GALM: variants seen among roughly 807,000 people sequenced by gnomAD.
The protein encoded by GALM is aldose 1-epimerase.
A neutral mutation model predicts 37.4 loss-of-function variants in GALM; 43 were observed. The observed-to-expected ratio is 1.15, with a 90% CI of 0.90 to 1.48. GALM has a LOEUF of 1.48. GALM is among the 40% of genes most tolerant of loss of function. The pLI is 0.00. For missense variants in GALM, 456 were observed against 419.1 expected (o/e 1.09, Z -0.77); for synonymous variants, 199 against 170.6 (o/e 1.17, Z -1.30).
At chr2:38,718,194 T>C (rs1197473747) in intron 4 of GALM, among the ~76,000 whole-genome samples, 4 of 90,210 alleles carry the variant, frequency 4.4e-5, no homozygotes, top group African/African-American at 1.5e-4. Flanking sequence ...TTTTTTTCTT[T>C]TCTTTTTTTT....
At chr2:38,706,040 C>T (rs2148445835) in intron 4 of GALM, among the ~76,000 whole-genome samples, 1 of 151,962 alleles carries the variant, frequency 6.6e-6, no homozygotes, top group African/African-American at 2.4e-5. Flanking sequence ...AAGTCTCACT[C>T]TGTTGCCCAA....
In GALM at chr2:38,686,507, A is replaced by G. The variant is rs180747227; in HGVS notation, c.553-3306A>G. On this transcript the variant is annotated intron_variant, in intron 3 of 6. Coordinates refer to ENST00000272252, the MANE Select transcript of GALM (RefSeq NM_138801.3). ...GTCTGATCTCCTGACCTCGTGATCC[A>G]CCCACCTTGGCCTCCCAAAGTGCTG... is the stretch of plus-strand genomic sequence containing the variant. 3.1e-3 allele frequency among the ~76,000 whole-genome samples: 465 copies of G among 151,584 alleles called. 3 individuals carry two copies. The highest frequency in any genetic ancestry group is 0.011 in the African/African-American group (441 of 41,290).
chr2:38,689,483 G>A (rs898563919), intron 3 of GALM, among the ~76,000 whole-genome samples: 3 of 152,110 alleles, frequency 2.0e-5, no homozygotes, highest in African/African-American at 7.2e-5. Flanking sequence ...CTGTTTGCCT[G>A]GCAAGTGAGA....
At chr2:38,686,711 G>C (rs534341659) in intron 3 of GALM, among the ~76,000 whole-genome samples, 9 of 152,166 alleles carry the variant, frequency 5.9e-5, no homozygotes, top group Non-Finnish European at 1.0e-4. Flanking sequence ...ATATAACATG[G>C]ATGATCCCAG....
intron 1 of GALM, among the ~76,000 whole-genome samples, chr2:38,672,457 G>T (rs1665133061): frequency 1.3e-5 from 2 of 152,142 alleles, no homozygotes; most frequent in Admixed American, 1.3e-4. Flanking sequence ...GGGGAGAGGT[G>T]GGAATAGGAG....
At chr2:38,694,154 T>C (rs1020873058) in intron 4 of GALM, among the ~76,000 whole-genome samples, 1 of 151,864 alleles carries the variant, frequency 6.6e-6, no homozygotes, top group Non-Finnish European at 1.5e-5. Context: ...TGCACTTCAA[T>C]GTGGGTGAAG....
chr2:38,717,949 C>G (rs1666302700), intron 4 of GALM, among the ~76,000 whole-genome samples: 1 of 151,620 alleles, frequency 6.6e-6, no homozygotes, highest in Non-Finnish European at 1.5e-5. Context: ...ATCTTCCCAC[C>G]TCAGCCTCCC....
intron 4 of GALM, among the ~76,000 whole-genome samples, chr2:38,703,084 ATATATATATTTTTTTTTT>A (rs1665958923): frequency 1.1e-4 from 1 of 9,012 alleles, no homozygotes; most frequent in African/African-American, 3.6e-4. Flanking sequence ...ATATATATAT[ATATATATATTTTTTTTTT>A]TTTTTTTTTT....
chr2:38,730,359 CG>C lies in GALM; in HGVS notation c.776+665del, dbSNP rs553629717. On this transcript the variant is annotated intron_variant, in intron 5 of 6. Transcript: ENST00000272252. ...TAGGTTTACTGCAACCTCCGCCTCCCGGGTTCAAGTGATTCTCCTGCCTCAG... is the reference window on the plus strand; with the variant it reads ...TAGGTTTACTGCAACCTCCGCCTCCCGGTTCAAGTGATTCTCCTGCCTCAG... Among the ~76,000 whole-genome samples, 427 of 152,238 alleles carry C rather than the reference CG, an allele frequency of 2.8e-3. 6 individuals are homozygous for C. Among genetic ancestry groups the C allele is most frequent in the African/African-American group, 1.0e-2 (414 of 41,532 alleles).
intron 4 of GALM, among the ~76,000 whole-genome samples, chr2:38,717,253 GA>G (rs796646285): frequency 0.049 from 6,108 of 125,050 alleles, 450 homozygotes; most frequent in African/African-American, 0.17. Flanking sequence ...TCCATCTCAA[GA>G]AAAAAAAAAA....
intron 4 of GALM, among the ~76,000 whole-genome samples, chr2:38,713,151 T>C (rs1264080748): frequency 6.6e-5 from 10 of 152,252 alleles, no homozygotes; most frequent in Non-Finnish European, 1.2e-4. Flanking sequence ...GGCTCCCTAA[T>C]CACACCATTG....
chr2:38,687,964 C>A (rs1290853189), intron 3 of GALM, among the ~76,000 whole-genome samples: 1 of 152,146 alleles, frequency 6.6e-6, no homozygotes, highest in Non-Finnish European at 1.5e-5. Context: ...GTAATCCCAG[C>A]ACTTTGGGAG....
rs571263937 is a variant in GALM at position 38,720,048 on chromosome 2, T to A, written c.635-9508T>A. Among the ~76,000 whole-genome samples, 393 of 151,332 alleles carry A rather than the reference T, an allele frequency of 2.6e-3. 1 individual carries two copies. The highest frequency in any genetic ancestry group is 7.9e-3 in the African/African-American group (328 of 41,288). On this transcript the variant is annotated intron_variant, in intron 4 of 6. Coordinates refer to ENST00000272252, the MANE Select transcript of GALM (RefSeq NM_138801.3). ...GAAACCCCGTCTCTACTAAAAAAAA[T>A]AATAATAATAATAATTAGCCAGGCG...
intron 4 of GALM, among the ~76,000 whole-genome samples, chr2:38,720,155 T>C (rs970232046): frequency 2.6e-5 from 4 of 152,026 alleles, no homozygotes; most frequent in East Asian, 1.9e-4. Context: ...CAAGCCTTCA[T>C]TGAGCTGTGA....
At chr2:38,679,532 T>C (rs1300110352) in intron 2 of GALM, among the ~76,000 whole-genome samples, 2 of 152,224 alleles carry the variant, frequency 1.3e-5, no homozygotes, top group African/African-American at 4.8e-5. Context: ...GGCAACCAAA[T>C]CTTTACCTTG....
chr2:38,722,227 G>A (rs1666397107), intron 4 of GALM, among the ~76,000 whole-genome samples: 2 of 151,882 alleles, frequency 1.3e-5, no homozygotes, highest in East Asian at 1.9e-4. Flanking sequence ...TCACCCCTTT[G>A]CACACACTCA....
At chr2:38,690,990 G>A (rs959160762) in intron 4 of GALM, among the ~76,000 whole-genome samples, 3 of 152,134 alleles carry the variant, frequency 2.0e-5, no homozygotes, top group Non-Finnish European at 4.4e-5. Flanking sequence ...TTTTCTGTTT[G>A]TCTTGGTAGC....
intron 3 of GALM, 55 bp from the exon 4 acceptor site, chr2:38,689,758 C>A: frequency 1.9e-6 from 2 of 1,052,678 alleles, no homozygotes; most frequent in Non-Finnish European, 2.8e-6. Context: ...AGTTAAAAAA[C>A]AAATATATGA....
intron 1 of GALM, among the ~76,000 whole-genome samples, chr2:38,675,544 TGTGTGTGTGTG>T (rs1181401262): frequency 1.2e-3 from 63 of 54,654 alleles, no homozygotes; most frequent in African/African-American, 4.4e-3. Context: ...TTTTTTTTTT[TGTGTGTGTGTG>T]TGTGTGTGTG....
Sources: gnomAD v4.1 joint callset for allele counts (sites outside exome capture counted in the v4.1 genomes callset) on GRCh38, gnomAD v4.1.1 for gene constraint, MANE v1.5 for transcripts, NCBI Gene and HGNC (gene_info 2026-07-23, HGNC 2026-07-21) for gene names.